The following CLEC9A variants were observed in gnomAD, a reference collection of about 807,000 sequenced individuals.
The protein encoded by CLEC9A is C-type lectin domain family 9 member A.
In CLEC9A, 24 loss-of-function variants were observed where a neutral mutation model predicts 30.0. The observed-to-expected ratio is 0.80, with a 90% confidence interval of 0.58 to 1.13. CLEC9A has a LOEUF of 1.13. Ranked by LOEUF, CLEC9A falls within the 50% of genes most tolerant of loss-of-function variation. The pLI, the probability that CLEC9A is intolerant of heterozygous loss-of-function variation, is 0.00. For missense variants in CLEC9A, 251 were observed against 280.9 expected (o/e 0.89, Z 0.76); for synonymous variants, 111 against 96.8 (o/e 1.15, Z -0.86).
chr12:10,048,794 T>C (rs1865869521), intron 2 of CLEC9A, among the ~76,000 whole-genome samples: 1 of 151,542 alleles, frequency 6.6e-6, no homozygotes, highest in South Asian at 2.1e-4. Flanking sequence ...CTCAAAGTCA[T>C]CCATGAGGGT....
chr12:10,058,769 T>A (rs1206788825), intron 5 of CLEC9A, among the ~76,000 whole-genome samples: 3 of 152,178 alleles, frequency 2.0e-5, no homozygotes, highest in East Asian at 3.8e-4. Context: ...GGTCTCGAAC[T>A]CCTGACCTCA....
chr12:10,065,365 G>T (rs1050194903), intron 8 of CLEC9A, 135 bp from the exon 9 acceptor site: 8 of 829,364 alleles, frequency 9.6e-6, no homozygotes, highest in Non-Finnish European at 1.5e-5. Context: ...TGAAGAAGGA[G>T]GATGAAACCA....
At chr12:10,054,775 G>A (rs952976587) in intron 5 of CLEC9A, among the ~76,000 whole-genome samples, 7 of 152,080 alleles carry the variant, frequency 4.6e-5, no homozygotes, top group Admixed American at 2.0e-4. Flanking sequence ...TGAGAGCTTC[G>A]TTCGACCACA....
intron 1 of CLEC9A, among the ~76,000 whole-genome samples, chr12:10,039,703 C>CT (rs747452991): frequency 3.9e-4 from 59 of 152,344 alleles, no homozygotes; most frequent in Admixed American, 7.8e-4. Context: ...ACATTGTAGT[C>CT]TGCGTAGCTG....
Position 10,037,866 on chromosome 12 carries a change from G to T in CLEC9A, c.-317-3600G>T, listed in dbSNP as rs192658802. On this transcript the variant is annotated intron_variant, in intron 1 of 8. Coordinates refer to ENST00000355819, the MANE Select transcript of CLEC9A (RefSeq NM_207345.4). ...CTATGTGTGTTGGATAGTGATCAGC[G>T]TTATGGAAAAGAGTGAAGCAAGGAA... 5.9e-5 allele frequency among the ~76,000 whole-genome samples: 9 copies of T among 152,136 alleles called. No homozygotes were observed. In the South Asian group the frequency reaches 1.9e-3, roughly 32 times the overall value.
At chr12:10,036,154 C>T (rs1865742718) in intron 1 of CLEC9A, among the ~76,000 whole-genome samples, 1 of 148,930 alleles carries the variant, frequency 6.7e-6, no homozygotes, top group Admixed American at 6.6e-5. Flanking sequence ...ACACATTTTT[C>T]CCTTCATTTT....
intron 4 of CLEC9A, among the ~76,000 whole-genome samples, chr12:10,054,020 A>G (rs1294000582): frequency 6.6e-6 from 1 of 152,220 alleles, no homozygotes; most frequent in African/African-American, 2.4e-5. Flanking sequence ...TAAGGATAAC[A>G]GAAGTATACT....
chr12:10,044,930 G>A (rs957327816), intron 2 of CLEC9A, among the ~76,000 whole-genome samples: 3 of 152,068 alleles, frequency 2.0e-5, no homozygotes, highest in African/African-American at 4.8e-5. Context: ...TTGTCCTCTC[G>A]TGATAAACGG....
intron 4 of CLEC9A, among the ~76,000 whole-genome samples, chr12:10,052,998 G>A (rs543782455): frequency 6.6e-6 from 1 of 152,126 alleles, no homozygotes; most frequent in African/African-American, 2.4e-5. Context: ...TTTTTCCTCT[G>A]CCTCTCTAGA....
intron 2 of CLEC9A, among the ~76,000 whole-genome samples, chr12:10,047,399 C>T (rs924536426): frequency 7.9e-5 from 12 of 152,210 alleles, no homozygotes; most frequent in Admixed American, 3.3e-4. Flanking sequence ...GTAAGCCAAT[C>T]AAACTGTGCC....
chr12:10,060,093 C>A (rs569699771), intron 5 of CLEC9A, among the ~76,000 whole-genome samples: 1 of 152,374 alleles, frequency 6.6e-6, no homozygotes, highest in South Asian at 2.1e-4. Context: ...ATCACTCACT[C>A]ATTCCTGGTG....
intron 5 of CLEC9A, among the ~76,000 whole-genome samples, chr12:10,058,981 A>G (rs899376107): frequency 1.3e-5 from 2 of 152,020 alleles, no homozygotes; most frequent in Admixed American, 1.3e-4. Context: ...AGGATTTTTA[A>G]TCCTAAAGGT....
chr12:10,047,428 G>T (rs764423665), intron 2 of CLEC9A, among the ~76,000 whole-genome samples: 1 of 152,006 alleles, frequency 6.6e-6, no homozygotes, highest in Non-Finnish European at 1.5e-5. Flanking sequence ...TTTTTTTCCT[G>T]GTATTCATAT....
At chr12:10,046,567 C>T (rs1441334483) in intron 2 of CLEC9A, among the ~76,000 whole-genome samples, 2 of 152,166 alleles carry the variant, frequency 1.3e-5, no homozygotes, top group African/African-American at 4.8e-5. Flanking sequence ...TTATAGAATA[C>T]ATGGAAAGGC....
chr12:10,061,415 G>A (rs1376257293), intron 6 of CLEC9A, 142 bp downstream of exon 6: 1 of 740,002 alleles, frequency 1.4e-6, no homozygotes, highest in Non-Finnish European at 2.0e-6. Context: ...TCACTCTTCA[G>A]TTCAATCTTA....
chr12:10,053,167 A>G (rs536984206), intron 4 of CLEC9A, among the ~76,000 whole-genome samples: 1 of 152,346 alleles, frequency 6.6e-6, no homozygotes, highest in Admixed American at 6.5e-5. Context: ...ATTGGCCTAG[A>G]GTTGTTGGCT....
intron 1 of CLEC9A, among the ~76,000 whole-genome samples, chr12:10,038,276 CT>C (rs925664241): frequency 3.1e-4 from 47 of 152,098 alleles, no homozygotes; most frequent in Non-Finnish European, 5.3e-4. Flanking sequence ...CAGGTACTGT[CT>C]TTTTTGTTTG....
intron 2 of CLEC9A, among the ~76,000 whole-genome samples, chr12:10,046,550 C>A (rs76344951): frequency 0.02 from 3,101 of 152,286 alleles, 114 homozygotes; most frequent in African/African-American, 0.071. Flanking sequence ...AATAACTCAG[C>A]AAGTATTTAT....
At chr12:10,043,047 G>T (rs777665337) in intron 2 of CLEC9A, among the ~76,000 whole-genome samples, 1 of 152,008 alleles carries the variant, frequency 6.6e-6, no homozygotes, top group Non-Finnish European at 1.5e-5. Context: ...TAAGTTCTAA[G>T]ACAAGTGAAA....
Sources: allele counts gnomAD v4.1 joint callset (sites outside exome capture counted in the v4.1 genomes callset), GRCh38; gene constraint gnomAD v4.1.1; transcripts MANE v1.5; gene names NCBI Gene and HGNC (gene_info 2026-07-23, HGNC 2026-07-21).